NTRK2: variants seen among roughly 807,000 people sequenced by gnomAD.
The protein encoded by NTRK2 is neurotrophic receptor tyrosine kinase 2, also known as BDNF/NT-3 growth factors receptor.
Under a neutral mutation model 94.5 loss-of-function variants are expected in NTRK2, and 13 were observed. The observed-to-expected ratio is 0.14, with a 90% CI of 0.09 to 0.22. The LOEUF is 0.22. NTRK2 is among the 10% of genes least tolerant of loss of function. NTRK2 has a pLI of 1.00. For synonymous variants in NTRK2, 372 were observed against 407.4 expected, an observed-to-expected ratio of 0.91 and a Z score of 1.05; for missense variants, 639 against 1,071.2, an observed-to-expected ratio of 0.60 and a Z score of 5.63.
In NTRK2 at chr9:85,025,509, G is replaced by A. The variant is rs958674332; in HGVS notation, c.*4072G>A. ...AGTGAATGCACCAACTAACAGTATA[G>A]AATGCTGTCCTTTTCAAAGCGTCCT... On this transcript the variant is annotated 3_prime_UTR_variant, in exon 19 of 19. Transcript: ENST00000277120. 8.6e-6 allele frequency: 2 copies of A among 233,138 alleles called. No individual in the cohort carries two copies. Among genetic ancestry groups the A allele is most frequent in the African/African-American group, 2.2e-5 (1 of 45,352 alleles). The allele number at this position is 233,138 out of a possible 1,614,324, so 14.4% of individuals were successfully genotyped here.
rs764530719 is a variant in NTRK2, at chr9:85,021,314, G to A, written c.2394G>A (p.Val798=). The A allele has an allele frequency of 7.4e-6, 12 of 1,614,054 alleles. No individual in the cohort carries two copies. In the East Asian group the frequency reaches 2.2e-4, roughly 30 times the overall value. ...GACCCCGCACGTGCCCCCAGGAGGT[G>A]TATGAGCTGATGCTGGGGTGCTGGC... The part of the protein sequence containing the change: ...LQRPRTCPQE[V]YELMLGCWQR... Residue 798 remains valine (V), a synonymous_variant, in exon 19 of 19, where the codon GTG becomes GTA. Coordinates refer to ENST00000277120, the MANE Select transcript of NTRK2 (RefSeq NM_006180.6).
At chr9:84,816,183 G>A (rs1294165165) in intron 12 of NTRK2, among the ~76,000 whole-genome samples, 7 of 152,008 alleles carry the variant, frequency 4.6e-5, no homozygotes, top group African/African-American at 7.3e-5. Context: ...CGAGAGAGAG[G>A]GGAATATGTT....
intron 12 of NTRK2, among the ~76,000 whole-genome samples, chr9:84,779,682 G>T (rs1301636480): frequency 6.6e-6 from 1 of 152,112 alleles, no homozygotes; most frequent in Non-Finnish European, 1.5e-5. Context: ...AGTAGTTGTG[G>T]GTTGTTTAAA....
chr9:85,013,714 C>T (rs970852145), intron 17 of NTRK2, among the ~76,000 whole-genome samples: 1 of 152,160 alleles, frequency 6.6e-6, no homozygotes, highest in African/African-American at 2.4e-5. Flanking sequence ...AGCAATGGAG[C>T]GTAGGGTGTG....
At chr9:84,859,867 G>T (rs2075248531) in intron 12 of NTRK2, among the ~76,000 whole-genome samples, 1 of 152,156 alleles carries the variant, frequency 6.6e-6, no homozygotes, top group East Asian at 1.9e-4. Flanking sequence ...TCTTTATTTG[G>T]CTTTGGCTCA....
chr9:84,800,629 C>T (rs1189455265), intron 12 of NTRK2, among the ~76,000 whole-genome samples: 1 of 152,200 alleles, frequency 6.6e-6, no homozygotes, highest in Non-Finnish European at 1.5e-5. Context: ...AGAATTGGAA[C>T]TAAAGCCATG....
At chr9:84,710,277 T>C (rs1327474831) in intron 5 of NTRK2, among the ~76,000 whole-genome samples, 1 of 152,220 alleles carries the variant, frequency 6.6e-6, no homozygotes, top group South Asian at 2.1e-4. Flanking sequence ...TGAAAACTTC[T>C]TGTTGGCATC....
intron 17 of NTRK2, among the ~76,000 whole-genome samples, chr9:84,971,639 C>T (rs1316331123): frequency 6.6e-6 from 1 of 152,204 alleles, no homozygotes; most frequent in East Asian, 1.9e-4. Context: ...CCTTGCCAGC[C>T]ATGCTGAGGA....
rs759186357 is a variant in NTRK2 at position 84,702,426 on chromosome 9, A to G, written c.359+7A>G. ...ACAGCAACCTGCAGCACATGTAAGTAGAGATTGATTCTTTTGCTTCCCAGG... is the reference window on the plus strand; with the variant it reads ...ACAGCAACCTGCAGCACATGTAAGTGGAGATTGATTCTTTTGCTTCCCAGG... On this transcript the variant is annotated splice_region_variant and intron_variant, in intron 4 of 18. Coordinates refer to ENST00000277120, the MANE Select transcript of NTRK2 (RefSeq NM_006180.6). The G allele has an allele frequency of 1.2e-6, 2 of 1,611,080 alleles. No homozygotes were observed. The highest frequency in any genetic ancestry group is 1.7e-5 in the Admixed American group (1 of 60,030).
chr9:84,706,328 T>A (rs2061058380), intron 4 of NTRK2, among the ~76,000 whole-genome samples: 1 of 151,332 alleles, frequency 6.6e-6, no homozygotes, highest in Non-Finnish European at 1.5e-5. Context: ...GACACCAGAG[T>A]GGTAGGTTCT....
chr9:84,999,238 C>G (rs1290819643), intron 17 of NTRK2, among the ~76,000 whole-genome samples: 1 of 152,146 alleles, frequency 6.6e-6, no homozygotes, highest in Non-Finnish European at 1.5e-5. Flanking sequence ...TTTACAATTG[C>G]CTGGGCTCCT....
At chr9:84,993,130 T>C (rs1028627576) in intron 17 of NTRK2, among the ~76,000 whole-genome samples, 1 of 152,094 alleles carries the variant, frequency 6.6e-6, no homozygotes, top group African/African-American at 2.4e-5. Context: ...TGTTTCTTAG[T>C]CTCCTTCACA....
At chr9:84,861,005 T>C (rs1429214104) in intron 12 of NTRK2, 35 bp from the exon 13 acceptor site, 1 of 1,602,526 alleles carries the variant, frequency 6.2e-7, no homozygotes, top group African/African-American at 1.3e-5. Flanking sequence ...TACTTCTCTT[T>C]CGAAGTTTAT....
In NTRK2 at chr9:84,867,410, A is replaced by G; in HGVS notation, c.1612A>G (p.Ser538Gly). 6.2e-7 allele frequency: 1 copy of G among 1,613,970 alleles called. No individual in the cohort carries two copies. The highest frequency in any genetic ancestry group is 8.5e-7 in the Non-Finnish European group (1 of 1,179,858). ...TCCCCAGTACTTTGGCATCACCAAC[A>G]GTCAGCTCAAGCCAGACACATGTAA... ...ENPQYFGITN[S>G]QLKPDTFVQH... The change falls in exon 14 of 19, where the codon AGT (serine) becomes GGT (glycine). Residue 538 changes from serine (S) to glycine (G), a missense_variant. By Grantham distance (56) the Ser-to-Gly change is moderately conservative. This residue lies in a region of NTRK2 where 343 missense variants were observed against 571.5 expected (regional missense o/e 0.60). Transcript: ENST00000277120.
chr9:84,885,406 G>T (rs571955445), intron 14 of NTRK2, among the ~76,000 whole-genome samples: 1 of 152,058 alleles, frequency 6.6e-6, no homozygotes, highest in East Asian at 1.9e-4. Flanking sequence ...CAATTTCAGC[G>T]GGTCTTTATA....
intron 14 of NTRK2, among the ~76,000 whole-genome samples, chr9:84,882,328 C>G (rs1432281338): frequency 6.6e-6 from 1 of 152,152 alleles, no homozygotes; most frequent in Non-Finnish European, 1.5e-5. Flanking sequence ...AAATTTCTTT[C>G]CATACTATAA....
At chr9:84,978,910 A>T (rs537237350) in intron 17 of NTRK2, among the ~76,000 whole-genome samples, 1 of 152,228 alleles carries the variant, frequency 6.6e-6, no homozygotes, top group African/African-American at 2.4e-5. Flanking sequence ...CAAAGCCTGG[A>T]TGACAGCACA....
intron 10 of NTRK2, among the ~76,000 whole-genome samples, 193 bp from the exon 11 acceptor site, chr9:84,744,780 G>A (rs1375796545): frequency 6.6e-6 from 1 of 152,120 alleles, no homozygotes; most frequent in Non-Finnish European, 1.5e-5. Context: ...TAAAATGTGG[G>A]CGTTGTGCAG....
At position 84,723,661 on chromosome 9, in the gene NTRK2, G is replaced by A. The variant is rs771279752; in HGVS notation, c.672G>A (p.Pro224=). 13 of 1,614,058 alleles carry A rather than the reference G, an allele frequency of 8.1e-6. No homozygotes were observed. The highest frequency in any genetic ancestry group is 6.7e-5 in the East Asian group (3 of 44,860). The change falls in exon 7 of 19, where the codon CCG becomes CCA. Residue 224 remains proline, a synonymous_variant. Transcript: ENST00000277120. The part of the protein sequence containing the change: ...ITLSCSVAGD[P]VPNMYWDVGN... ...TATCCTGTAGTGTGGCAGGTGATCCGGTTCCTAATATGTATTGGGATGTTG... is the reference window on the plus strand; with the variant it reads ...TATCCTGTAGTGTGGCAGGTGATCCAGTTCCTAATATGTATTGGGATGTTG...
Sources: gnomAD v4.1 joint callset for allele counts (sites outside exome capture counted in the v4.1 genomes callset) on GRCh38, gnomAD v4.1.1 for gene constraint, gnomAD v4.1.1 regional missense constraint, MANE v1.5 for transcripts, NCBI Gene and HGNC (gene_info 2026-07-23, HGNC 2026-07-21) for gene names.